CEP70: variants seen among roughly 807,000 people sequenced by gnomAD.
CEP70 encodes centrosomal protein 70.
A neutral mutation model predicts 90.9 loss-of-function variants in CEP70; 70 were observed. The ratio of observed to expected loss-of-function variants is 0.77; its 90% CI spans 0.64 to 0.94. The LOEUF is 0.94. Among genes scored for constraint, CEP70 ranks in the 40% least tolerant of loss-of-function variants. The pLI is 0.00. For missense variants in CEP70, 648 were observed against 669.0 expected, an observed-to-expected ratio of 0.97 and a Z score of 0.35; for synonymous variants, 220 against 228.3, an observed-to-expected ratio of 0.96 and a Z score of 0.33.
At chr3:138,564,008 A>C (rs879234370) in intron 6 of CEP70, among the ~76,000 whole-genome samples, 1 of 152,224 alleles carries the variant, frequency 6.6e-6, no homozygotes, top group Admixed American at 6.5e-5. Flanking sequence ...AAAAATGATA[A>C]AGGGGATATC....
At chr3:138,520,260 A>G (rs1474920103) in intron 11 of CEP70, among the ~76,000 whole-genome samples, 1 of 152,086 alleles carries the variant, frequency 6.6e-6, no homozygotes, top group Non-Finnish European at 1.5e-5. Context: ...CACTGTCAAC[A>G]TTAGACAGAT....
intron 11 of CEP70, among the ~76,000 whole-genome samples, chr3:138,520,907 T>C (rs1156827974): frequency 1.3e-5 from 2 of 152,104 alleles, no homozygotes; most frequent in Non-Finnish European, 2.9e-5. Flanking sequence ...GCAACCTCCC[T>C]GCCTGATTCT....
chr3:138,573,056 C>A, intron 2 of CEP70, 124 bp from the exon 3 acceptor site: 1 of 659,922 alleles, frequency 1.5e-6, no homozygotes, highest in South Asian at 1.8e-5. Flanking sequence ...ACTACTCTTG[C>A]AGGGCAATTC....
In CEP70 at chr3:138,580,043, C is replaced by A. The variant is rs1401016436; in HGVS notation, c.-5-7111G>T. Among the ~76,000 whole-genome samples, 3 of 151,992 alleles carry A rather than the reference C, an allele frequency of 2.0e-5. No homozygotes were observed. In the East Asian group the frequency reaches 5.8e-4, roughly 30 times the overall value. Reference sequence around the variant, plus strand: ...CACCAGCTGACTAAAGAGCCTTGGGCCTTAAGTGAACCTAGGCGGTACCCT... The same window carrying A: ...CACCAGCTGACTAAAGAGCCTTGGGACTTAAGTGAACCTAGGCGGTACCCT... On this transcript the variant is annotated intron_variant, in intron 2 of 17. Transcript: ENST00000264982.
intron 6 of CEP70, among the ~76,000 whole-genome samples, chr3:138,555,762 C>T (rs929848426): frequency 6.6e-6 from 1 of 152,122 alleles, no homozygotes; most frequent in South Asian, 2.1e-4. Context: ...AATCAAAAAA[C>T]AGTAGATGTT....
At chr3:138,533,727 A>ATTTG (rs1474449588) in intron 7 of CEP70, among the ~76,000 whole-genome samples, 2 of 152,082 alleles carry the variant, frequency 1.3e-5, no homozygotes, top group African/African-American at 4.8e-5. Flanking sequence ...AAGCAAGCAG[A>ATTTG]TTTGTTACAT....
chr3:138,509,924 C>T (rs192032933), intron 11 of CEP70, among the ~76,000 whole-genome samples: 6 of 152,116 alleles, frequency 3.9e-5, no homozygotes, highest in African/African-American at 1.2e-4. Context: ...TAATAATGGA[C>T]CCAAAATGCA....
intron 2 of CEP70, among the ~76,000 whole-genome samples, chr3:138,583,694 G>C (rs61309906): frequency 0.12 from 18,028 of 152,046 alleles, 2,157 homozygotes; most frequent in East Asian, 0.37. Context: ...TAATCAATAG[G>C]CTCCTGAATC....
intron 11 of CEP70, among the ~76,000 whole-genome samples, chr3:138,515,536 G>A (rs779082448): frequency 6.7e-6 from 1 of 150,344 alleles, no homozygotes; most frequent in African/African-American, 2.4e-5. Flanking sequence ...TAGTATGAGA[G>A]CTCAAACAAC....
intron 11 of CEP70, among the ~76,000 whole-genome samples, chr3:138,524,477 C>T (rs1392596550): frequency 6.6e-6 from 1 of 152,114 alleles, no homozygotes; most frequent in Non-Finnish European, 1.5e-5. Context: ...GAACAGGCGA[C>T]CTACAGAATG....
At chr3:138,576,719 A>C (rs2041550244) in intron 2 of CEP70, among the ~76,000 whole-genome samples, 2 of 152,218 alleles carry the variant, frequency 1.3e-5, no homozygotes, top group South Asian at 2.1e-4. Context: ...ACTCCTCAGC[A>C]AATGTAAAAC....
chr3:138,554,326 A>C (rs1003030378), intron 6 of CEP70, among the ~76,000 whole-genome samples: 2 of 152,192 alleles, frequency 1.3e-5, no homozygotes, highest in Non-Finnish European at 1.5e-5. Context: ...AATACTGGAA[A>C]AGTATTATGA....
intron 11 of CEP70, among the ~76,000 whole-genome samples, chr3:138,522,909 G>C (rs1171625218): frequency 6.6e-6 from 1 of 152,174 alleles, no homozygotes; most frequent in African/African-American, 2.4e-5. Context: ...AAGCCTGACA[G>C]AGACACAACA....
At chr3:138,524,714 A>C (rs547097954) in intron 11 of CEP70, among the ~76,000 whole-genome samples, 10 of 152,356 alleles carry the variant, frequency 6.6e-5, no homozygotes, top group African/African-American at 2.4e-4. Context: ...CCACAATGAG[A>C]TACCATCTCA....
Position 138,555,193 on chromosome 3 carries a change from G to A in CEP70, c.465+15125C>T, listed in dbSNP as rs186228766. On this transcript the variant is annotated intron_variant, in intron 6 of 17. Coordinates refer to ENST00000264982, the MANE Select transcript of CEP70 (RefSeq NM_024491.4). ...CTACCCAGTAGGGGGAGGTTGCAGTGAGCCAAGAGTATGCCATCGCACTCC... is the reference window on the plus strand; with the variant it reads ...CTACCCAGTAGGGGGAGGTTGCAGTAAGCCAAGAGTATGCCATCGCACTCC... 4.3e-3 allele frequency among the ~76,000 whole-genome samples: 627 copies of A among 145,794 alleles called. 7 individuals are homozygous for A. The highest frequency in any genetic ancestry group is 3.8e-3 in the Middle Eastern group (1 of 264).
intron 13 of CEP70, among the ~76,000 whole-genome samples, chr3:138,504,917 G>A (rs187063081): frequency 3.3e-5 from 5 of 152,204 alleles, no homozygotes; most frequent in African/African-American, 9.6e-5. Flanking sequence ...TATCTGAAGA[G>A]GGATAAGGGC....
chr3:138,514,546 A>G (rs2035829945), intron 11 of CEP70, among the ~76,000 whole-genome samples: 1 of 152,128 alleles, frequency 6.6e-6, no homozygotes, highest in African/African-American at 2.4e-5. Flanking sequence ...TACTTTGAAA[A>G]AATATTCTAC....
chr3:138,564,678 G>A (rs1455939947), intron 6 of CEP70, among the ~76,000 whole-genome samples: 1 of 151,984 alleles, frequency 6.6e-6, no homozygotes, highest in African/African-American at 2.4e-5. Context: ...CAATAAACTG[G>A]GGATTGATCG....
chr3:138,547,826 TTG>T (rs1454891749), intron 6 of CEP70, among the ~76,000 whole-genome samples: 1 of 152,204 alleles, frequency 6.6e-6, no homozygotes, highest in East Asian at 1.9e-4. Context: ...CTGAACAAGA[TTG>T]TGTGAGATTT....
Sources: allele counts gnomAD v4.1 joint callset (sites outside exome capture counted in the v4.1 genomes callset), GRCh38; gene constraint gnomAD v4.1.1; transcripts MANE v1.5; gene names NCBI Gene and HGNC (gene_info 2026-07-23, HGNC 2026-07-21).